PRAG1: variants seen among roughly 807,000 people sequenced by gnomAD.
PRAG1 encodes inactive tyrosine-protein kinase PRAG1.
Under a neutral mutation model 95.6 loss-of-function variants are expected in PRAG1, and 110 were observed. That is an observed-to-expected ratio of 1.15 (90% confidence interval 0.99 to 1.35). The LOEUF (loss-of-function observed/expected upper bound fraction) is 1.35, where lower values mean the gene tolerates loss of function less well. Ranked by LOEUF, PRAG1 falls within the 40% of genes most tolerant of loss-of-function variation. The pLI, the probability that PRAG1 is intolerant of heterozygous loss-of-function variation, is 0.00. For synonymous variants in PRAG1, 1,052 were observed against 819.4 expected, an observed-to-expected ratio of 1.28 and a Z score of -4.85; for missense variants, 2,554 against 1,864.7, an observed-to-expected ratio of 1.37 and a Z score of -6.81.
rs768333714 is a variant in PRAG1 at position 8,377,253 on chromosome 8, T to A, written c.1156A>T (p.Thr386Ser). 37 of 1,612,680 alleles carry A rather than the reference T, an allele frequency of 2.3e-5. No homozygotes were observed. The highest frequency in any genetic ancestry group is 3.1e-5 in the Non-Finnish European group (36 of 1,179,936). ...KQQDPGCPGVTPSRCLGLTGE... is the reference protein window; with the variant it reads ...KQQDPGCPGVSPSRCLGLTGE... Reference sequence around the variant, plus strand: ...GTCAGCCCAAGGCATCTGCTAGGGGTCACCCCTGGGCAGCCAGGGTCCTGC... The same window carrying A: ...GTCAGCCCAAGGCATCTGCTAGGGGACACCCCTGGGCAGCCAGGGTCCTGC... Residue 386 changes from threonine to serine, a missense_variant, in exon 3 of 6, where the codon ACC (threonine) becomes TCC (serine). Thr to Ser is a moderately conservative substitution (Grantham distance 58, BLOSUM62 1). Transcript: ENST00000615670.
chr8:8,360,852 A>G (rs942194758), intron 3 of PRAG1, among the ~76,000 whole-genome samples: 4 of 152,138 alleles, frequency 2.6e-5, no homozygotes, highest in Admixed American at 2.6e-4. Context: ...CTTTCATATT[A>G]TCTCAGTGGG....
At position 8,381,756 on chromosome 8, in the gene PRAG1, G is replaced by A. The variant is rs777014775; in HGVS notation, c.-9C>T. 42 of 1,565,374 alleles carry A rather than the reference G, an allele frequency of 2.7e-5. No homozygotes were observed. The highest frequency in any genetic ancestry group is 1.9e-4 in the South Asian group (16 of 83,744). On this transcript the variant is annotated 5_prime_UTR_variant, in exon 2 of 6. Transcript: ENST00000615670. ...CAGAGGGTCTGGTGCATCTTGAGCC[G>A]ACAGGGTGCTGGTTCATCTTGCGCC...
chr8:8,350,629 C>T (rs1056877316), intron 3 of PRAG1, among the ~76,000 whole-genome samples: 6 of 152,152 alleles, frequency 3.9e-5, no homozygotes, highest in Non-Finnish European at 4.4e-5. Context: ...ACTTCCTAGA[C>T]GGATTTCAGA....
intron 3 of PRAG1, among the ~76,000 whole-genome samples, chr8:8,347,318 C>A (rs1799378412): frequency 6.6e-6 from 1 of 152,184 alleles, no homozygotes; most frequent in Non-Finnish European, 1.5e-5. Flanking sequence ...GTGAATTCAC[C>A]AGCTCAGAGC....
rs554608102 is a variant in PRAG1 at position 8,330,487 on chromosome 8, C to T, written c.2321-2026G>A. Among the ~76,000 whole-genome samples the T allele has an allele frequency of 3.7e-4, 57 of 152,286 alleles. 1 individual carries two copies. The highest frequency in any genetic ancestry group is 1.3e-3 in the African/African-American group (55 of 41,560). ...TCAAGATCATAGGGAGTTGCCCTTC[C>T]CATTTGCTAATGATAGGCGGGGCCC... On this transcript the variant is annotated intron_variant, in intron 4 of 5. Transcript: ENST00000615670.
chr8:8,324,108 T>A (rs1001864605), intron 5 of PRAG1, among the ~76,000 whole-genome samples: 1 of 152,006 alleles, frequency 6.6e-6, no homozygotes, highest in African/African-American at 2.4e-5. Context: ...ATGGGGAAGG[T>A]TGCTATGGTG....
chr8:8,352,983 T>G (rs1799572906), intron 3 of PRAG1, among the ~76,000 whole-genome samples: 1 of 152,196 alleles, frequency 6.6e-6, no homozygotes, highest in Non-Finnish European at 1.5e-5. Context: ...AAGGGGATCA[T>G]TTAATAATAA....
intron 3 of PRAG1, among the ~76,000 whole-genome samples, chr8:8,341,308 G>C (rs978863804): frequency 6.6e-6 from 1 of 152,012 alleles, no homozygotes; most frequent in East Asian, 1.9e-4. Context: ...GTATGTATGA[G>C]CATATATATA....
intron 3 of PRAG1, among the ~76,000 whole-genome samples, chr8:8,348,503 T>G (rs1234274407): frequency 6.6e-6 from 1 of 152,190 alleles, no homozygotes; most frequent in Admixed American, 6.5e-5. Flanking sequence ...TATCATCATT[T>G]TGGTTAACAT....
chr8:8,332,888 G>A (rs1419241572), intron 4 of PRAG1, among the ~76,000 whole-genome samples: 1 of 150,530 alleles, frequency 6.6e-6, no homozygotes, highest in African/African-American at 2.5e-5. Context: ...CAGCATCTAT[G>A]TTCTTACTGT....
At chr8:8,331,208 G>C (rs1371033438) in intron 4 of PRAG1, among the ~76,000 whole-genome samples, 1 of 152,330 alleles carries the variant, frequency 6.6e-6, no homozygotes, top group East Asian at 1.9e-4. Flanking sequence ...GTTCATAACA[G>C]ATCAGTTTCC....
chr8:8,373,061 G>C (rs1800265677), intron 3 of PRAG1, among the ~76,000 whole-genome samples: 1 of 152,202 alleles, frequency 6.6e-6, no homozygotes, highest in African/African-American at 2.4e-5. Context: ...GGTTGACCTT[G>C]TATGTTGCTT....
rs1158165514 is a variant in PRAG1 at position 8,367,458 on chromosome 8, C to CAAAAAAAAA, written c.2162+8780_2162+8788dup. Reference sequence around the variant, plus strand: ...AGGTGAAAGGAGCAAGACTCCATCTCAAAAAAAAAAAAAAAAAAAAAAAAA... The same window carrying CAAAAAAAAA: ...AGGTGAAAGGAGCAAGACTCCATCTCAAAAAAAAAAAAAAAAAAAAAAAAAAAAAAAAAA... On this transcript the variant is annotated intron_variant, in intron 3 of 5. Transcript: ENST00000615670. Among the ~76,000 whole-genome samples, 2 of 26,218 alleles carry CAAAAAAAAA rather than the reference C, an allele frequency of 7.6e-5. 1 individual carries two copies. The highest frequency in any genetic ancestry group is 1.3e-4 in the Non-Finnish European group (2 of 15,722). The allele number at this position is 26,218 out of a possible 152,430, so 17.2% of individuals were successfully genotyped here. A position where few individuals can be genotyped will look rare whatever the true frequency, so the allele number is the denominator to read the frequency against.
chr8:8,330,733 G>A (rs1378530529), intron 4 of PRAG1, among the ~76,000 whole-genome samples: 1 of 152,140 alleles, frequency 6.6e-6, no homozygotes, highest in Non-Finnish European at 1.5e-5. Context: ...GCAGTCCACA[G>A]GTCTCCCCAT....
chr8:8,383,160 C>T (rs1340433865), intron 1 of PRAG1, among the ~76,000 whole-genome samples: 1 of 152,124 alleles, frequency 6.6e-6, no homozygotes, highest in African/African-American at 2.4e-5. Context: ...CCGGGTACCC[C>T]AAAAATCATT....
At position 8,318,964 on chromosome 8, in the gene PRAG1, C is replaced by T. The variant is rs369158302; in HGVS notation, c.3411G>A (p.Lys1137=). 103 of 1,613,070 alleles carry T rather than the reference C, an allele frequency of 6.4e-5. No individual in the cohort carries two copies. Among genetic ancestry groups the T allele is most frequent in the Non-Finnish European group, 8.7e-5 (103 of 1,179,728 alleles). ...LQLCNGLEHL[K]EHGIIHRDLC... The stretch of plus-strand genomic sequence containing the variant: ...GGTCCCGGTGGATGATCCCGTGCTC[C>T]TTCAGGTGCTCCAGCCCGTTGCAGA... The change falls in exon 6 of 6, where the codon AAG becomes AAA. Residue 1137 remains lysine (K), a synonymous_variant. Coordinates refer to ENST00000615670, the MANE Select transcript of PRAG1 (RefSeq NM_001080826.3). The surrounding 1 kb of genome is among the most constrained non-coding windows in gnomAD (Gnocchi z 4.2).
At chr8:8,339,688 A>G in intron 3 of PRAG1, 53 bp from the exon 4 acceptor site, 1 of 1,558,140 alleles carries the variant, frequency 6.4e-7, no homozygotes, top group Admixed American at 1.7e-5. Flanking sequence ...TTCCATTCAG[A>G]AACCAGGCTG....
At chr8:8,322,373 G>C (rs1798500287) in intron 5 of PRAG1, among the ~76,000 whole-genome samples, 1 of 151,920 alleles carries the variant, frequency 6.6e-6, no homozygotes, top group Non-Finnish European at 1.5e-5. Context: ...GTAGAGACAG[G>C]GTTTCACCAT....
At chr8:8,324,382 C>G (rs1364016892) in intron 5 of PRAG1, among the ~76,000 whole-genome samples, 1 of 152,220 alleles carries the variant, frequency 6.6e-6, no homozygotes, top group African/African-American at 2.4e-5. Flanking sequence ...ATTTCAAAAT[C>G]AGTGCACTGG....
Sources: gnomAD v4.1 joint callset for allele counts (sites outside exome capture counted in the v4.1 genomes callset) on GRCh38, gnomAD v4.1.1 for gene constraint, Gnocchi (gnomAD v3.1) non-coding constraint, MANE v1.5 for transcripts, NCBI Gene and HGNC (gene_info 2026-07-23, HGNC 2026-07-21) for gene names.